The following ELAPOR1 variants were observed in gnomAD, a reference collection of about 807,000 sequenced individuals.
ELAPOR1 encodes the protein endosome-lysosome associated apoptosis and autophagy regulator 1, also known as endosome/lysosome-associated apoptosis and autophagy regulator 1.
ELAPOR1 carries 77 observed loss-of-function variants against 119.7 expected under a neutral mutation model. The observed-to-expected ratio is 0.64, with a 90% confidence interval of 0.54 to 0.78. The LOEUF (loss-of-function observed/expected upper bound fraction) is 0.78. ELAPOR1 is among the 30% of genes least tolerant of loss of function. The pLI is 0.00. For missense variants in ELAPOR1, 1,115 were observed against 1,270.4 expected (o/e 0.88, Z 1.86); for synonymous variants, 481 against 487.2 (o/e 0.99, Z 0.17).
chr1:109,175,940 C>G (rs1255328179), intron 7 of ELAPOR1, among the ~76,000 whole-genome samples: 1 of 150,638 alleles, frequency 6.6e-6, no homozygotes, highest in African/African-American at 2.4e-5. Context: ...AAGTTAATTT[C>G]ATGAGCCTAT....
intron 1 of ELAPOR1, among the ~76,000 whole-genome samples, chr1:109,126,761 G>A (rs1293909065): frequency 1.3e-5 from 2 of 152,184 alleles, no homozygotes; most frequent in East Asian, 1.9e-4. Flanking sequence ...GTCAGCCTCC[G>A]TGCTTGGCCT....
At chr1:109,165,081 A>T (rs1415345973) in intron 3 of ELAPOR1, among the ~76,000 whole-genome samples, 1 of 152,130 alleles carries the variant, frequency 6.6e-6, no homozygotes, top group Non-Finnish European at 1.5e-5. Context: ...GCCTGAGGCC[A>T]AGAGTTTGAG....
intron 15 of ELAPOR1, among the ~76,000 whole-genome samples, chr1:109,196,849 A>C (rs541424286): frequency 2.6e-5 from 4 of 152,206 alleles, no homozygotes; most frequent in African/African-American, 9.6e-5. Flanking sequence ...CGTCCAGCTA[A>C]TTTTTGTGTT....
chr1:109,161,535 T>C (rs1651258881), intron 1 of ELAPOR1: 1 of 161,064 alleles, frequency 6.2e-6, no homozygotes, highest in Admixed American at 6.3e-5. Context: ...ATTTAGAATG[T>C]CCTCGTTCAT....
At chr1:109,195,015 C>G (rs1460617594) in intron 15 of ELAPOR1, among the ~76,000 whole-genome samples, 1 of 152,082 alleles carries the variant, frequency 6.6e-6, no homozygotes, top group Non-Finnish European at 1.5e-5. Context: ...GAGGCTGAGG[C>G]AGGAGAATCG....
intron 1 of ELAPOR1, among the ~76,000 whole-genome samples, chr1:109,148,167 C>T (rs1259280763): frequency 6.6e-6 from 1 of 150,462 alleles, no homozygotes; most frequent in African/African-American, 2.5e-5. Context: ...GACATGGAGT[C>T]TCATTCTGTC....
chr1:109,144,061 A>ATATATATATATTTTTTTTTTTTTTTT, intron 1 of ELAPOR1, among the ~76,000 whole-genome samples: 1 of 89,018 alleles, frequency 1.1e-5, no homozygotes, highest in African/African-American at 4.8e-5. Context: ...ATATTTATAT[A>ATATATATATATTTTTTTTTTTTTTTT]TTTTTTTTTT....
intron 1 of ELAPOR1, among the ~76,000 whole-genome samples, chr1:109,115,216 T>C (rs1647909967): frequency 6.6e-6 from 1 of 152,164 alleles, no homozygotes; most frequent in Admixed American, 6.5e-5. Context: ...CAATATTTGG[T>C]TGTGCTCTGA....
At chr1:109,117,190 T>C (rs1463594622) in intron 1 of ELAPOR1, among the ~76,000 whole-genome samples, 1 of 152,198 alleles carries the variant, frequency 6.6e-6, no homozygotes, top group Non-Finnish European at 1.5e-5. Context: ...AGTGGCAAAG[T>C]GGGAGTTCTA....
At chr1:109,188,097 C>G in intron 8 of ELAPOR1, 80 bp from the exon 9 acceptor site, 3 of 1,516,140 alleles carry the variant, frequency 2.0e-6, no homozygotes, top group Non-Finnish European at 2.7e-6. Flanking sequence ...TCTCTGCCCC[C>G]AGCCCCTATC....
intron 1 of ELAPOR1, among the ~76,000 whole-genome samples, chr1:109,124,942 TGAGA>T (rs1166724504): frequency 6.6e-6 from 1 of 152,090 alleles, no homozygotes; most frequent in Non-Finnish European, 1.5e-5. Flanking sequence ...CTTTTTTTTT[TGAGA>T]GAGACAGAAT....
intron 15 of ELAPOR1, among the ~76,000 whole-genome samples, chr1:109,196,271 G>A (rs905263923): frequency 6.6e-6 from 1 of 152,184 alleles, no homozygotes; most frequent in Admixed American, 6.5e-5. Context: ...CAAAGAAGTC[G>A]ATGGGTGTTT....
chr1:109,201,523 C>T (rs1654174248), intron 21 of ELAPOR1: 2 of 362,052 alleles, frequency 5.5e-6, no homozygotes, highest in Non-Finnish European at 1.1e-5. Flanking sequence ...CTCTGCAGCA[C>T]AACTCTGCCA....
chr1:109,191,311 C>T, intron 11 of ELAPOR1, 55 bp from the exon 12 acceptor site: 1 of 1,267,102 alleles, frequency 7.9e-7, no homozygotes, highest in Non-Finnish European at 1.2e-6. Context: ...TGTCTGGGCT[C>T]TTCAATAAGC....
At position 109,143,850 on chromosome 1, in the gene ELAPOR1, A is replaced by G. The variant is rs542097000; in HGVS notation, c.154-18044A>G. On this transcript the variant is annotated intron_variant, in intron 1 of 21. Coordinates refer to ENST00000369939, the MANE Select transcript of ELAPOR1 (RefSeq NM_020775.5). Reference sequence around the variant, plus strand: ...ATGCCCAGCTAATTTTTGTAGAGACAGGGTTTCGCCATGTTGCCCAGGCTG... The same window carrying G: ...ATGCCCAGCTAATTTTTGTAGAGACGGGGTTTCGCCATGTTGCCCAGGCTG... Among the ~76,000 whole-genome samples the G allele has an allele frequency of 2.1e-3, 325 of 151,282 alleles. 1 individual carries two copies. The highest frequency in any genetic ancestry group is 7.6e-3 in the African/African-American group (311 of 41,182).
At chr1:109,196,559 G>A (rs1201826482) in intron 15 of ELAPOR1, among the ~76,000 whole-genome samples, 1 of 151,590 alleles carries the variant, frequency 6.6e-6, no homozygotes, top group African/African-American at 2.4e-5. Context: ...ACTGCCACAC[G>A]ATAGATCCTT....
intron 1 of ELAPOR1, among the ~76,000 whole-genome samples, chr1:109,144,238 G>A (rs1439482791): frequency 6.7e-6 from 1 of 149,848 alleles, no homozygotes; most frequent in East Asian, 2.0e-4. Context: ...TTTTTGTAGA[G>A]ACGGGGCTTC....
intron 13 of ELAPOR1, 55 bp from the exon 14 acceptor site, chr1:109,192,555 AT>A (rs1440941568): frequency 1.1e-5 from 17 of 1,576,422 alleles, no homozygotes; most frequent in Non-Finnish European, 1.5e-5. Flanking sequence ...AGAGGCCTCA[AT>A]TGTTGCTGCT....
chr1:109,190,832 C>A (rs1318262213), intron 11 of ELAPOR1, among the ~76,000 whole-genome samples: 1 of 152,182 alleles, frequency 6.6e-6, no homozygotes, highest in African/African-American at 2.4e-5. Context: ...AATTCTGCTC[C>A]TTTAACCCCG....
Sources: gnomAD v4.1 joint callset for allele counts (sites outside exome capture counted in the v4.1 genomes callset) on GRCh38, gnomAD v4.1.1 for gene constraint, MANE v1.5 for transcripts, NCBI Gene and HGNC (gene_info 2026-07-23, HGNC 2026-07-21) for gene names.